The following ADAMTSL3 variants were observed in gnomAD, a reference collection of about 807,000 sequenced individuals.
The protein encoded by ADAMTSL3 is ADAMTS like 3, also known as ADAMTS-like protein 3.
ADAMTSL3 carries 128 observed loss-of-function variants against 201.7 expected under a neutral mutation model. The ratio of observed to expected loss-of-function variants is 0.63; its 90% CI spans 0.55 to 0.73. The LOEUF is 0.73. Ranked by LOEUF, ADAMTSL3 falls within the 30% of genes least tolerant of loss-of-function variation. The probability of loss-of-function intolerance (pLI) is 0.00; values close to 1 mark genes in which losing one functional copy is unlikely to be tolerated. For missense variants in ADAMTSL3, 1,990 were observed against 2,119.6 expected, an observed-to-expected ratio of 0.94 and a Z score of 1.20; for synonymous variants, 738 against 748.4, an observed-to-expected ratio of 0.99 and a Z score of 0.23.
rs905915063 is a variant in ADAMTSL3, at chr15:84,025,597, G to A, written c.4656+161G>A. On this transcript the variant is annotated intron_variant, in intron 27 of 29. Coordinates refer to ENST00000286744, the MANE Select transcript of ADAMTSL3 (RefSeq NM_207517.3). ...TCTTTGACCTCAAGGTTTACATTTA[G>A]AAATCATAGTATCTCTGTCTTCCAG... 3.2e-5 allele frequency: 22 copies of A among 694,592 alleles called. 1 individual carries two copies. The highest frequency in any genetic ancestry group is 7.9e-4 in the Middle Eastern group (2 of 2,546). 43.0% of individuals were successfully genotyped at this position (694,592 alleles called of 1,614,324 possible).
At chr15:83,817,247 A>C (rs1279303347) in intron 5 of ADAMTSL3, among the ~76,000 whole-genome samples, 24 of 152,268 alleles carry the variant, frequency 1.6e-4, no homozygotes, top group Admixed American at 1.6e-3. Flanking sequence ...ACAAACGTGA[A>C]GTAGCAAAAA....
At chr15:83,756,605 C>CG (rs1390253566) in intron 3 of ADAMTSL3, among the ~76,000 whole-genome samples, 5 of 151,672 alleles carry the variant, frequency 3.3e-5, no homozygotes, top group South Asian at 2.1e-4. Context: ...CCCTGCCCCC[C>CG]CCCCAAATCT....
At chr15:83,930,540 C>T (rs188959974) in intron 17 of ADAMTSL3, among the ~76,000 whole-genome samples, 1 of 152,176 alleles carries the variant, frequency 6.6e-6, no homozygotes, top group African/African-American at 2.4e-5. Flanking sequence ...TCCCCTTTCT[C>T]TCATCACTGT....
chr15:83,881,701 A>G (rs2065274668), intron 9 of ADAMTSL3, among the ~76,000 whole-genome samples: 1 of 151,988 alleles, frequency 6.6e-6, no homozygotes, highest in Non-Finnish European at 1.5e-5. Flanking sequence ...CTAAAAATAC[A>G]AAAACTAGCT....
intron 6 of ADAMTSL3, among the ~76,000 whole-genome samples, chr15:83,823,968 T>TTCA (rs2063954086): frequency 1.0e-4 from 8 of 78,498 alleles, no homozygotes; most frequent in East Asian, 3.8e-4. Context: ...CTTCTTCTTC[T>TTCA]TCTTCTCCTC....
In ADAMTSL3 at chr15:83,982,384, G is replaced by A. The variant is rs2067398861; in HGVS notation, c.2756G>A (p.Gly919Asp). 1 of 1,613,934 alleles carries A rather than the reference G, an allele frequency of 6.2e-7. No homozygotes were observed. Among genetic ancestry groups the A allele is most frequent in the African/African-American group, 1.3e-5 (1 of 74,874 alleles). Reference sequence around the variant, plus strand: ...GAGAAGCGTATTAACCTGACCATTGGTAGCAGAGCCTATTTGCTGCCCAAC... The same window carrying A: ...GAGAAGCGTATTAACCTGACCATTGATAGCAGAGCCTATTTGCTGCCCAAC... ...REEKRINLTIGSRAYLLPNTS... is the reference protein window; with the variant it reads ...REEKRINLTIDSRAYLLPNTS... Residue 919 changes from glycine (G) to aspartate (D), a missense_variant, in exon 21 of 30, where the codon GGT (glycine) becomes GAT (aspartate). Gly to Asp is a moderately conservative substitution (Grantham distance 94). Transcript: ENST00000286744.
At chr15:83,714,793 C>CTTTCTTTCTTTCTTTTTCTTTCTCTT (rs1315219559) in intron 3 of ADAMTSL3, among the ~76,000 whole-genome samples, 1 of 57,796 alleles carries the variant, frequency 1.7e-5, no homozygotes, top group Middle Eastern at 0.011. Context: ...CTTTTTCTTT[C>CTTTCTTTCTTTCTTTTTCTTTCTCTT]TCTCTCTTTC....
intron 2 of ADAMTSL3, among the ~76,000 whole-genome samples, chr15:83,680,479 G>T (rs551311465): frequency 6.8e-5 from 10 of 148,040 alleles, no homozygotes; most frequent in Non-Finnish European, 1.3e-4. Context: ...GATATGACTA[G>T]GTCCTAATTT....
At chr15:83,962,916 C>T (rs2067000675) in intron 19 of ADAMTSL3, among the ~76,000 whole-genome samples, 2 of 152,174 alleles carry the variant, frequency 1.3e-5, no homozygotes, top group African/African-American at 4.8e-5. Flanking sequence ...TGCAAGAGGT[C>T]AGGGAACTCC....
At chr15:83,741,672 A>G (rs2062457669) in intron 3 of ADAMTSL3, among the ~76,000 whole-genome samples, 1 of 152,230 alleles carries the variant, frequency 6.6e-6, no homozygotes, top group African/African-American at 2.4e-5. Flanking sequence ...CATTGGAACT[A>G]TAAGGTGAGA....
At chr15:83,948,287 A>G (rs1022832243) in intron 19 of ADAMTSL3, among the ~76,000 whole-genome samples, 2 of 152,152 alleles carry the variant, frequency 1.3e-5, no homozygotes, top group Non-Finnish European at 2.9e-5. Context: ...CATAGGGTTG[A>G]TAGCTGGAAA....
chr15:83,686,742 G>A (rs2141441157), intron 2 of ADAMTSL3, among the ~76,000 whole-genome samples: 1 of 152,250 alleles, frequency 6.6e-6, no homozygotes, highest in Admixed American at 6.5e-5. Flanking sequence ...AAATGTATTG[G>A]AAACACTTGC....
chr15:83,889,783 C>T (rs1384606401), intron 10 of ADAMTSL3, among the ~76,000 whole-genome samples: 1 of 152,154 alleles, frequency 6.6e-6, no homozygotes, highest in Non-Finnish European at 1.5e-5. Flanking sequence ...GTTCGAAGTG[C>T]TGAGAGTACC....
intron 23 of ADAMTSL3, among the ~76,000 whole-genome samples, chr15:84,006,601 T>C (rs2067899266): frequency 6.6e-6 from 1 of 152,178 alleles, no homozygotes; most frequent in African/African-American, 2.4e-5. Context: ...TCCAAAACAA[T>C]TTCAGCATTG....
At chr15:84,004,949 A>G (rs2141870409) in intron 23 of ADAMTSL3, among the ~76,000 whole-genome samples, 1 of 152,338 alleles carries the variant, frequency 6.6e-6, no homozygotes, top group East Asian at 1.9e-4. Context: ...TGACTCCCCT[A>G]AATTGAAAAG....
chr15:83,821,978 G>T, intron 6 of ADAMTSL3, among the ~76,000 whole-genome samples: 1 of 147,172 alleles, frequency 6.8e-6, no homozygotes, highest in Non-Finnish European at 1.5e-5. Context: ...TCCCGGACGG[G>T]GCTGCTGGCC....
chr15:83,745,543 G>C (rs1596129716), intron 3 of ADAMTSL3, among the ~76,000 whole-genome samples: 1 of 152,154 alleles, frequency 6.6e-6, no homozygotes, highest in Non-Finnish European at 1.5e-5. Flanking sequence ...GCTCCTGCCA[G>C]CACCCAAAAG....
chr15:83,748,517 G>A (rs2062584736), intron 3 of ADAMTSL3, among the ~76,000 whole-genome samples: 1 of 151,848 alleles, frequency 6.6e-6, no homozygotes, highest in Non-Finnish European at 1.5e-5. Context: ...CAGGCATGGT[G>A]GTATGCACTT....
At chr15:83,822,126 G>T (rs1158980290) in intron 6 of ADAMTSL3, among the ~76,000 whole-genome samples, 1 of 149,682 alleles carries the variant, frequency 6.7e-6, no homozygotes, top group East Asian at 2.0e-4. Flanking sequence ...CGGGCGGGGG[G>T]CTGACCCCCC....
Sources: gnomAD v4.1 joint callset for allele counts (sites outside exome capture counted in the v4.1 genomes callset) on GRCh38, gnomAD v4.1.1 for gene constraint, MANE v1.5 for transcripts, NCBI Gene and HGNC (gene_info 2026-07-23, HGNC 2026-07-21) for gene names.